The following BPIFB1 variants were observed in gnomAD, a reference collection of about 807,000 sequenced individuals.
The protein encoded by BPIFB1 is BPI fold containing family B member 1, also known as BPI fold-containing family B member 1.
A neutral mutation model predicts 55.1 loss-of-function variants in BPIFB1; 34 were observed. The observed-to-expected ratio is 0.62, with a 90% confidence interval of 0.47 to 0.82. BPIFB1 has a LOEUF of 0.82. Among genes scored for constraint, BPIFB1 ranks in the 40% least tolerant of loss-of-function variants. The pLI, the probability that BPIFB1 is intolerant of heterozygous loss-of-function variation, is 0.00. For synonymous variants in BPIFB1, 236 were observed against 245.3 expected (o/e 0.96, Z 0.35); for missense variants, 532 against 593.1 (o/e 0.90, Z 1.07).
In BPIFB1 at chr20:33,301,227, C is replaced by G. The variant is rs1980837719; in HGVS notation, c.748-6C>G. On this transcript the variant is annotated splice_polypyrimidine_tract_variant and splice_region_variant and intron_variant, in intron 8 of 15. Transcript: ENST00000253354. ...TCTTAGCTGACTCCCTGCTCTGTCT[C>G]CTCAGGCCAAGTTGTTGGACTCACA... 5 of 1,613,382 alleles carry G rather than the reference C, an allele frequency of 3.1e-6. No homozygotes were observed. The highest frequency in any genetic ancestry group is 1.3e-5 in the African/African-American group (1 of 74,940).
chr20:33,302,810 A>AG (rs751325816), intron 10 of BPIFB1, 106 bp from the exon 11 acceptor site: 4 of 1,291,094 alleles, frequency 3.1e-6, no homozygotes, highest in Non-Finnish European at 4.3e-6. Context: ...GGAACACGTG[A>AG]GGGAGCAGGG....
chr20:33,289,419 C>G (rs2146526753), intron 3 of BPIFB1, among the ~76,000 whole-genome samples: 2 of 149,028 alleles, frequency 1.3e-5, no homozygotes, highest in South Asian at 2.2e-4. Context: ...CAACCCAGAG[C>G]AAGGTTGTCT....
intron 9 of BPIFB1, among the ~76,000 whole-genome samples, chr20:33,302,132 C>T (rs75450090): frequency 0.014 from 2,174 of 152,252 alleles, 40 homozygotes; most frequent in African/African-American, 0.05. Context: ...CCCCCAGACC[C>T]ACAACCATCA....
At chr20:33,308,556 A>C (rs1981114253) in intron 15 of BPIFB1, among the ~76,000 whole-genome samples, 1 of 139,844 alleles carries the variant, frequency 7.2e-6, no homozygotes, top group Admixed American at 7.1e-5. Flanking sequence ...ACCTTTATAC[A>C]CCTATACACA....
intron 13 of BPIFB1, among the ~76,000 whole-genome samples, chr20:33,305,204 G>A (rs17124577): frequency 0.036 from 5,509 of 152,078 alleles, 319 homozygotes; most frequent in African/African-American, 0.12. Flanking sequence ...ACACGTAGAC[G>A]CGCCTCAGTG....
chr20:33,304,229 C>T (rs954150036), intron 12 of BPIFB1, among the ~76,000 whole-genome samples: 5 of 152,192 alleles, frequency 3.3e-5, no homozygotes, highest in African/African-American at 7.2e-5. Context: ...GCAGCAGCCA[C>T]GGCACAGGCA....
rs138930117 is a variant in BPIFB1, at chr20:33,291,083, C to A, written c.492C>A (p.Ser164Arg). The A allele has an allele frequency of 7.4e-6, 12 of 1,612,274 alleles. No individual in the cohort carries two copies. In the South Asian group the frequency reaches 7.7e-5, roughly 10 times the overall value. ...GTGACTGTGCCACCAGCCATGGGAG[C>A]CTGCGCATCCAACTGCTGCATAAGT... ...VLSDCATSHG[S>R]LRIQLLHKLS... The change falls in exon 5 of 16, where the codon AGC becomes AGA. Residue 164 changes from serine to arginine, a missense_variant. Coordinates refer to ENST00000253354, the MANE Select transcript of BPIFB1 (RefSeq NM_033197.3).
In BPIFB1 at chr20:33,286,143, A is replaced by T. The variant is rs1216274903; in HGVS notation, c.70A>T (p.Ser24Cys). ...AGCCACCTTGATCCAAGCCACCCTC[A>T]GTCCCACTGCAGTTCTCATCCTCGG... is the stretch of plus-strand genomic sequence containing the variant. ...LAATLIQATLSPTAVLILGPK... is the reference protein window; with the variant it reads ...LAATLIQATLCPTAVLILGPK... The change falls in exon 2 of 16, where the codon AGT becomes TGT. Residue 24 changes from serine to cysteine, a missense_variant. Ser to Cys is a moderately radical substitution (Grantham distance 112). Coordinates refer to ENST00000253354, the MANE Select transcript of BPIFB1 (RefSeq NM_033197.3). 1.2e-6 allele frequency: 2 copies of T among 1,614,070 alleles called. No individual in the cohort carries two copies. Among genetic ancestry groups the T allele is most frequent in the African/African-American group, 2.7e-5 (2 of 74,924 alleles).
chr20:33,292,292 G>A (rs776270015), intron 6 of BPIFB1, among the ~76,000 whole-genome samples: 12 of 152,110 alleles, frequency 7.9e-5, no homozygotes, highest in East Asian at 1.9e-4. Flanking sequence ...TAGCTTTTGC[G>A]GATTTCCCTG....
chr20:33,306,449 T>C (rs1359336038), intron 14 of BPIFB1, among the ~76,000 whole-genome samples: 2 of 152,128 alleles, frequency 1.3e-5, no homozygotes, highest in Non-Finnish European at 2.9e-5. Context: ...ATCTGTAAAA[T>C]GGGGACGTAG....
intron 6 of BPIFB1, among the ~76,000 whole-genome samples, chr20:33,293,110 C>A (rs1339639955): frequency 6.6e-6 from 1 of 152,160 alleles, no homozygotes; most frequent in Non-Finnish European, 1.5e-5. Context: ...TTAGTAGAGA[C>A]AAGGTTTTCG....
intron 13 of BPIFB1, among the ~76,000 whole-genome samples, chr20:33,305,385 T>C (rs1980990425): frequency 6.7e-6 from 1 of 149,740 alleles, no homozygotes; most frequent in African/African-American, 2.5e-5. Flanking sequence ...TGGTGTGATC[T>C]TGGCTCACTG....
At chr20:33,308,749 A>G (rs925285478) in intron 15 of BPIFB1, among the ~76,000 whole-genome samples, 6 of 149,516 alleles carry the variant, frequency 4.0e-5, no homozygotes, top group Middle Eastern at 6.8e-3. Flanking sequence ...TACATATTGC[A>G]CACATACACA....
intron 3 of BPIFB1, 107 bp downstream of exon 3, chr20:33,288,989 A>T: frequency 7.6e-7 from 1 of 1,322,224 alleles, no homozygotes; most frequent in Non-Finnish European, 1.0e-6. Flanking sequence ...CTTGTGTCAG[A>T]TCACAAAGAG....
At chr20:33,303,193 G>A in intron 11 of BPIFB1, 119 bp downstream of exon 11, 6 of 1,315,874 alleles carry the variant, frequency 4.6e-6, no homozygotes, top group Non-Finnish European at 6.3e-6. Flanking sequence ...GCAGGGACAG[G>A]GGACAGGGAG....
chr20:33,298,807 T>TTTAA (rs974082644), intron 7 of BPIFB1: 7 of 169,502 alleles, frequency 4.1e-5, no homozygotes, highest in African/African-American at 1.7e-4. Flanking sequence ...TTTTTTTTTT[T>TTTAA]TAATTCCCAA....
chr20:33,289,864 T>A (rs1363272267), intron 3 of BPIFB1, 21 bp from the exon 4 acceptor site: 1 of 1,601,960 alleles, frequency 6.2e-7, no homozygotes, highest in Non-Finnish European at 8.6e-7. Context: ...ATGATTCTGA[T>A]CTCTCCTAAA....
At chr20:33,300,087 G>A in intron 8 of BPIFB1, 103 bp downstream of exon 8, 2 of 985,006 alleles carry the variant, frequency 2.0e-6, no homozygotes, top group Non-Finnish European at 3.2e-6. Context: ...GAAAATCCTG[G>A]TCACCATTAG....
At chr20:33,304,130 G>A in intron 12 of BPIFB1, 105 bp downstream of exon 12, 2 of 1,006,792 alleles carry the variant, frequency 2.0e-6, no homozygotes, top group African/African-American at 1.6e-5. Context: ...GGTGAAGGCG[G>A]CTCCAGGGTA....
Sources: allele counts gnomAD v4.1 joint callset (sites outside exome capture counted in the v4.1 genomes callset), GRCh38; gene constraint gnomAD v4.1.1; transcripts MANE v1.5; gene names NCBI Gene and HGNC (gene_info 2026-07-23, HGNC 2026-07-21).